Variants in CHST11 observed in about 807,000 individuals in gnomAD.
CHST11 encodes the protein C4S-1.
Under a neutral mutation model 30.4 loss-of-function variants are expected in CHST11, and 9 were observed. The ratio of observed to expected loss-of-function variants is 0.30; its 90% CI spans 0.18 to 0.52. The LOEUF is 0.52. Ranked by LOEUF, CHST11 falls within the 20% of genes least tolerant of loss-of-function variation. The pLI, the probability that CHST11 is intolerant of heterozygous loss-of-function variation, is 0.97. For missense variants in CHST11, 348 were observed against 460.6 expected (o/e 0.76, Z 2.24); for synonymous variants, 152 against 187.8 (o/e 0.81, Z 1.56).
intron 1 of CHST11, among the ~76,000 whole-genome samples, chr12:104,505,492 C>T (rs1444011130): frequency 6.6e-6 from 1 of 152,134 alleles, no homozygotes; most frequent in Non-Finnish European, 1.5e-5. Flanking sequence ...TGAAAAGCTC[C>T]TGGGTTATGT....
At chr12:104,684,649 G>A (rs1297458091) in intron 2 of CHST11, among the ~76,000 whole-genome samples, 1 of 152,234 alleles carries the variant, frequency 6.6e-6, no homozygotes, top group Non-Finnish European at 1.5e-5. Context: ...CCAGGTTCAA[G>A]TGATTCTCCT....
At chr12:104,532,617 A>G (rs2038196271) in intron 1 of CHST11, among the ~76,000 whole-genome samples, 10 of 152,112 alleles carry the variant, frequency 6.6e-5, no homozygotes, top group Admixed American at 6.5e-4. Flanking sequence ...AAATTTTTAC[A>G]CATCCATTTG....
At chr12:104,510,543 C>A (rs2135980966) in intron 1 of CHST11, among the ~76,000 whole-genome samples, 1 of 152,338 alleles carries the variant, frequency 6.6e-6, no homozygotes, top group Non-Finnish European at 1.5e-5. Context: ...GCTGAATGTG[C>A]TTCCAGGAGC....
intron 2 of CHST11, among the ~76,000 whole-genome samples, chr12:104,697,523 G>C (rs1311814395): frequency 6.6e-6 from 1 of 152,136 alleles, no homozygotes; most frequent in Non-Finnish European, 1.5e-5. Flanking sequence ...TGGTTCTCCA[G>C]CTTGCCAATG....
At chr12:104,617,865 G>A (rs1327266680) in intron 2 of CHST11, among the ~76,000 whole-genome samples, 1 of 151,920 alleles carries the variant, frequency 6.6e-6, no homozygotes, top group Non-Finnish European at 1.5e-5. Flanking sequence ...TAGAACAGTG[G>A]CTAGCAGTAC....
At chr12:104,513,138 T>TGGGGGGGGGGGGGGGGGGGGGGG (rs1565969843) in intron 1 of CHST11, among the ~76,000 whole-genome samples, 3 of 3,340 alleles carry the variant, frequency 9.0e-4, no homozygotes, top group African/African-American at 4.1e-3. Context: ...GGGGGGGGGG[T>TGGGGGGGGGGGGGGGGGGGGGGG]TGGGGGTGGG....
In CHST11 at chr12:104,557,716, A is replaced by G. The variant is rs561297576; in HGVS notation, c.119-44190A>G. Among the ~76,000 whole-genome samples, 10 of 152,228 alleles carry G rather than the reference A, an allele frequency of 6.6e-5. No individual in the cohort carries two copies. In the East Asian group the frequency reaches 1.7e-3, roughly 26 times the overall value. On this transcript the variant is annotated intron_variant, in intron 1 of 2. Transcript: ENST00000303694. ...GATTGTCCCTAGGAGGAGCAAGAGC[A>G]TGGTGGGAGGGAAGGAAGTGGGAAG...
intron 2 of CHST11, among the ~76,000 whole-genome samples, chr12:104,683,195 C>T (rs1159161926): frequency 6.6e-6 from 1 of 152,132 alleles, no homozygotes; most frequent in Non-Finnish European, 1.5e-5. Flanking sequence ...GCCCAGTATC[C>T]ACCTGCTCAG....
chr12:104,501,579 G>T (rs919819461), intron 1 of CHST11, among the ~76,000 whole-genome samples: 32 of 152,142 alleles, frequency 2.1e-4, no homozygotes, highest in African/African-American at 7.7e-4. Context: ...CCTGCAAAAT[G>T]GCCCCAAGCC....
chr12:104,518,173 G>A (rs376635873), intron 1 of CHST11, among the ~76,000 whole-genome samples: 5 of 152,100 alleles, frequency 3.3e-5, no homozygotes, highest in South Asian at 2.1e-4. Context: ...TGTAGTCCCC[G>A]CTACGTGGGA....
chr12:104,596,684 C>T (rs1592785399), intron 1 of CHST11, among the ~76,000 whole-genome samples: 1 of 152,130 alleles, frequency 6.6e-6, no homozygotes, highest in East Asian at 1.9e-4. Flanking sequence ...TTACATCTAA[C>T]TTAAAGTGTT....
At chr12:104,524,233 T>C (rs2038101928) in intron 1 of CHST11, among the ~76,000 whole-genome samples, 1 of 152,144 alleles carries the variant, frequency 6.6e-6, no homozygotes, top group Admixed American at 6.6e-5. Flanking sequence ...AGGGCAGCCT[T>C]CCAGAAAAAT....
intron 2 of CHST11, among the ~76,000 whole-genome samples, chr12:104,698,009 C>T (rs775695386): frequency 6.6e-6 from 1 of 152,216 alleles, no homozygotes; most frequent in Non-Finnish European, 1.5e-5. Context: ...CCTCATTACT[C>T]ATCTCTTGCC....
chr12:104,545,472 T>C (rs2038337676), intron 1 of CHST11, among the ~76,000 whole-genome samples: 1 of 152,208 alleles, frequency 6.6e-6, no homozygotes, highest in Admixed American at 6.5e-5. Flanking sequence ...AAAATAACAG[T>C]CCTTGTCTCT....
intron 1 of CHST11, among the ~76,000 whole-genome samples, chr12:104,462,912 A>T (rs1423481905): frequency 6.6e-6 from 1 of 152,062 alleles, no homozygotes; most frequent in Admixed American, 6.6e-5. Context: ...ATCTCCTTTG[A>T]TTGTTACAGT....
In CHST11 at chr12:104,457,995, T is replaced by C. The variant is rs1471495150; in HGVS notation, c.118+466T>C. 4.6e-5 allele frequency among the ~76,000 whole-genome samples: 7 copies of C among 151,794 alleles called. No homozygotes were observed. In the East Asian group the frequency reaches 1.4e-3, roughly 30 times the overall value. ...GCTCTGCGCCCGGGCGAGCCGCCTC[T>C]TCCTGGTTGCCGGGCCGGGGGCGAA... On this transcript the variant is annotated intron_variant, in intron 1 of 2. Coordinates refer to ENST00000303694, the MANE Select transcript of CHST11 (RefSeq NM_018413.6).
At chr12:104,619,536 C>T (rs2039140596) in intron 2 of CHST11, among the ~76,000 whole-genome samples, 1 of 152,162 alleles carries the variant, frequency 6.6e-6, no homozygotes, top group Non-Finnish European at 1.5e-5. Context: ...GTTTCGAGCG[C>T]TCTCTTCTAA....
intron 1 of CHST11, among the ~76,000 whole-genome samples, chr12:104,481,112 T>C (rs569545743): frequency 2.0e-5 from 3 of 152,246 alleles, no homozygotes; most frequent in African/African-American, 7.2e-5. Flanking sequence ...CTTTCTGCTC[T>C]GCTGTAACAC....
chr12:104,743,677 C>T (rs2040366163), intron 2 of CHST11, among the ~76,000 whole-genome samples: 1 of 152,176 alleles, frequency 6.6e-6, no homozygotes, highest in Admixed American at 6.5e-5. Context: ...GAACTTGGGT[C>T]ATGGGGGTCT....
Sources: gnomAD v4.1 joint callset for allele counts (sites outside exome capture counted in the v4.1 genomes callset) on GRCh38, gnomAD v4.1.1 for gene constraint, MANE v1.5 for transcripts, NCBI Gene and HGNC (gene_info 2026-07-23, HGNC 2026-07-21) for gene names.